OTOGL: variants seen among roughly 807,000 people sequenced by gnomAD.
OTOGL encodes the protein otogelin-like protein.
In OTOGL, 285 loss-of-function variants were observed where a neutral mutation model predicts 318.5. The observed-to-expected ratio is 0.89, with a 90% confidence interval of 0.81 to 0.99. The LOEUF is 0.99. Ranked by LOEUF, OTOGL falls within the 50% of genes least tolerant of loss-of-function variation. OTOGL has a pLI of 0.00. For synonymous variants in OTOGL, 987 were observed against 936.5 expected (o/e 1.05, Z -0.99); for missense variants, 2,899 against 2,845.6 (o/e 1.02, Z -0.43).
At chr12:80,231,738 G>A (rs539341684) in intron 8 of OTOGL, among the ~76,000 whole-genome samples, 3 of 151,694 alleles carry the variant, frequency 2.0e-5, no homozygotes, top group East Asian at 1.9e-4. Flanking sequence ...AGGTTCAAGC[G>A]ATTCTCCTGC....
intron 29 of OTOGL, among the ~76,000 whole-genome samples, chr12:80,308,090 G>C (rs1886336474): frequency 1.4e-5 from 2 of 145,496 alleles, no homozygotes; most frequent in Non-Finnish European, 3.0e-5. Context: ...CTGGCCGGGT[G>C]GGGGGCTGAC....
chr12:80,181,249 T>C (rs1447042486), intron 1 of OTOGL, among the ~76,000 whole-genome samples: 15 of 152,300 alleles, frequency 9.8e-5, no homozygotes, highest in Middle Eastern at 3.4e-3. Context: ...CAATTTCCAA[T>C]TGGGTCCAAT....
Position 80,142,343 on chromosome 12 carries a change from A to G in OTOGL, c.-20+42738A>G, listed in dbSNP as rs190953169. On this transcript the variant is annotated intron_variant, in intron 1 of 58. Coordinates refer to ENST00000547103, the MANE Select transcript of OTOGL (RefSeq NM_001378609.3). ...TTATTGTACTGGGTGGCACAGATGT[A>G]TAGAAAGGAGCCCAGGATCATGGCC... 2.2e-4 allele frequency among the ~76,000 whole-genome samples: 33 copies of G among 152,280 alleles called. 1 individual carries two copies. The East Asian group carries it at 5.6e-3, about 26-fold the overall frequency.
intron 27 of OTOGL, 112 bp from the exon 28 acceptor site, chr12:80,302,522 C>A: frequency 2.9e-6 from 2 of 681,682 alleles, no homozygotes; most frequent in Non-Finnish European, 4.1e-6. Flanking sequence ...CATGACCATG[C>A]AACAATATTA....
rs1370704027 is a variant in OTOGL, at chr12:80,192,699, T to C, written c.-19-16714T>C. On this transcript the variant is annotated intron_variant, in intron 1 of 58. Transcript: ENST00000547103. ...GAGAAAAATGCTGTGTAATTCTAAG[T>C]GAAAAAGAACATGAGTATTTTTGTC... Among the ~76,000 whole-genome samples the C allele has an allele frequency of 2.0e-5, 3 of 152,196 alleles. No individual in the cohort carries two copies. The East Asian group carries it at 5.8e-4, about 29-fold the overall frequency.
rs959643691 is a variant in OTOGL, at chr12:80,204,869, G to A, written c.-19-4544G>A. On this transcript the variant is annotated intron_variant, in intron 1 of 58. Coordinates refer to ENST00000547103, the MANE Select transcript of OTOGL (RefSeq NM_001378609.3). ...TGAGAAATTAACATGAAGCTTCCTGGAGCACTTGGCAGAAGTTGGTACAAA... is the reference window on the plus strand; with the variant it reads ...TGAGAAATTAACATGAAGCTTCCTGAAGCACTTGGCAGAAGTTGGTACAAA... 1.4e-4 allele frequency among the ~76,000 whole-genome samples: 21 copies of A among 152,068 alleles called. 1 individual carries two copies. The highest frequency in any genetic ancestry group is 1.2e-3 in the Admixed American group (19 of 15,252).
At chr12:80,145,778 T>C (rs9668401) in intron 1 of OTOGL, among the ~76,000 whole-genome samples, 10,116 of 150,954 alleles carry the variant, frequency 0.067, 1,094 homozygotes, top group African/African-American at 0.24. Context: ...CTTCACATCC[T>C]TTGTAAGTTG....
intron 4 of OTOGL, among the ~76,000 whole-genome samples, chr12:80,215,337 CT>C (rs1410719198): frequency 6.6e-6 from 1 of 151,694 alleles, no homozygotes; most frequent in African/African-American, 2.4e-5. Context: ...GGCTAATTTT[CT>C]GTATTTTTAG....
intron 1 of OTOGL, among the ~76,000 whole-genome samples, chr12:80,169,687 C>T (rs1874058372): frequency 6.6e-6 from 1 of 152,170 alleles, no homozygotes; most frequent in African/African-American, 2.4e-5. Context: ...AACTCTTCTT[C>T]TGTCCCTGAG....
At chr12:80,163,810 C>A (rs897920641) in intron 1 of OTOGL, among the ~76,000 whole-genome samples, 2 of 152,112 alleles carry the variant, frequency 1.3e-5, no homozygotes, top group African/African-American at 4.8e-5. Flanking sequence ...CTGTTGCAAG[C>A]ATTTTCCAAG....
At chr12:80,214,641 T>C (rs1017982342) in intron 4 of OTOGL, among the ~76,000 whole-genome samples, 1 of 152,160 alleles carries the variant, frequency 6.6e-6, no homozygotes, top group African/African-American at 2.4e-5. Flanking sequence ...AGATTCCCAT[T>C]TGAACCATGT....
chr12:80,308,349 C>T (rs1303558268), intron 29 of OTOGL, among the ~76,000 whole-genome samples: 5 of 151,114 alleles, frequency 3.3e-5, no homozygotes, highest in East Asian at 4.0e-4. Flanking sequence ...CGGGCAGAGA[C>T]GCTCCTCACA....
chr12:80,197,994 G>A (rs1876198882), intron 1 of OTOGL, among the ~76,000 whole-genome samples: 1 of 151,790 alleles, frequency 6.6e-6, no homozygotes, highest in Admixed American at 6.6e-5. Flanking sequence ...ACTTCATTTT[G>A]TATGTTTGAA....
At chr12:80,134,090 C>T (rs1030179880) in intron 1 of OTOGL, among the ~76,000 whole-genome samples, 6 of 152,170 alleles carry the variant, frequency 3.9e-5, no homozygotes, top group South Asian at 2.1e-4. Flanking sequence ...CATTTCCTTT[C>T]CATTCTTAAT....
chr12:80,366,201 C>A, intron 52 of OTOGL: 1 of 257,462 alleles, frequency 3.9e-6, no homozygotes, highest in South Asian at 3.2e-5. Context: ...AAAGGCAGTT[C>A]CATTCCTAAG....
rs549069242 is a variant in OTOGL at position 80,336,028 on chromosome 12, A to G, written c.4488A>G (p.Leu1496=). ...QYICLNMEWQ[L]YNWSLNCPKD... ...TATGCCTTAATATGGAATGGCAGTT[A>G]TACAACTGGTCCCTTAATTGCCCAA... Residue 1496 remains leucine (L), a synonymous_variant, in exon 39 of 59, where the codon TTA becomes TTG. Coordinates refer to ENST00000547103, the MANE Select transcript of OTOGL (RefSeq NM_001378609.3). 1 of 1,598,770 alleles carries G rather than the reference A, an allele frequency of 6.3e-7. No homozygotes were observed. The highest frequency in any genetic ancestry group is 1.3e-5 in the African/African-American group (1 of 74,986).
rs183046919 is a variant in OTOGL at position 80,320,423 on chromosome 12, A to G, written c.3804A>G (p.Ser1268=). Residue 1268 remains serine, a splice_region_variant and synonymous_variant, in exon 34 of 59, where the codon TCA becomes TCG. Transcript: ENST00000547103. ...TCCACACTGCTCTATATTTTACAGC[A>G]TTAGCACTTGTTTCCTTGGAATCTG... ...TPGLFKEKVS[S]LALVSLESAE... 47 of 1,610,984 alleles carry G rather than the reference A, an allele frequency of 2.9e-5. No homozygotes were observed. In the East Asian group the frequency reaches 5.8e-4, roughly 20 times the overall value.
chr12:80,239,241 T>TATCACAAG (rs1880148155), intron 10 of OTOGL, 92 bp from the exon 11 acceptor site: 1 of 1,090,976 alleles, frequency 9.2e-7, no homozygotes, highest in Non-Finnish European at 1.3e-6. Flanking sequence ...TTGTGAGAAC[T>TATCACAAG]GAAAATCTTG....
At chr12:80,155,764 T>G (rs372304702) in intron 1 of OTOGL, among the ~76,000 whole-genome samples, 1 of 152,316 alleles carries the variant, frequency 6.6e-6, no homozygotes, top group East Asian at 1.9e-4. Flanking sequence ...CCTCCCACCC[T>G]CTCCACTCAT....
Sources: gnomAD v4.1 joint callset for allele counts (sites outside exome capture counted in the v4.1 genomes callset) on GRCh38, gnomAD v4.1.1 for gene constraint, MANE v1.5 for transcripts, NCBI Gene and HGNC (gene_info 2026-07-23, HGNC 2026-07-21) for gene names.